PCYOX1L: variants seen among roughly 807,000 people sequenced by gnomAD.
The protein encoded by PCYOX1L is prenylcysteine oxidase 1 like.
PCYOX1L carries 40 observed loss-of-function variants against 44.1 expected under a neutral mutation model. The ratio of observed to expected loss-of-function variants is 0.91; its 90% CI spans 0.70 to 1.18. The LOEUF is 1.18. Among genes scored for constraint, PCYOX1L ranks in the 50% most tolerant of loss-of-function variants. The probability of loss-of-function intolerance (pLI) is 0.00; values close to 1 mark genes in which losing one functional copy is unlikely to be tolerated. For synonymous variants in PCYOX1L, 266 were observed against 282.8 expected (o/e 0.94, Z 0.60); for missense variants, 605 against 653.3 (o/e 0.93, Z 0.81).
chr5:149,360,941 T>C (rs1340597148), intron 1 of PCYOX1L, among the ~76,000 whole-genome samples: 1 of 152,212 alleles, frequency 6.6e-6, no homozygotes, highest in Non-Finnish European at 1.5e-5. Flanking sequence ...ATGGGTCCAG[T>C]AAGGACAAAT....
intron 4 of PCYOX1L, among the ~76,000 whole-genome samples, chr5:149,366,940 T>C (rs1210871199): frequency 1.3e-5 from 2 of 152,188 alleles, no homozygotes; most frequent in Non-Finnish European, 2.9e-5. Flanking sequence ...TCAGTGGTTT[T>C]TAGCACATTC....
At chr5:149,361,777 C>T (rs959372408) in intron 1 of PCYOX1L, among the ~76,000 whole-genome samples, 2 of 152,074 alleles carry the variant, frequency 1.3e-5, no homozygotes, top group African/African-American at 2.4e-5. Context: ...TGCAGGCATG[C>T]GCCACCACAC....
At chr5:149,360,049 C>T (rs1757964793) in intron 1 of PCYOX1L, among the ~76,000 whole-genome samples, 1 of 152,194 alleles carries the variant, frequency 6.6e-6, no homozygotes, top group Admixed American at 6.5e-5. Context: ...TGCATGAAAT[C>T]TTATTTCCCC....
chr5:149,361,258 G>A lies in PCYOX1L; in HGVS notation c.89-1379G>A, dbSNP rs145518008. ...ACCTCATCTCTACGAAAAATATGTC[G>A]GGCATGGTGGCATGTGCCTGTAGTC... On this transcript the variant is annotated intron_variant, in intron 1 of 5. Coordinates refer to ENST00000274569, the MANE Select transcript of PCYOX1L (RefSeq NM_024028.4). 9.1e-4 allele frequency among the ~76,000 whole-genome samples: 139 copies of A among 152,128 alleles called. 2 individuals are homozygous for A. The East Asian group carries it at 0.018, about 20-fold the overall frequency.
Position 149,365,961 on chromosome 5 carries a change from C to G in PCYOX1L, c.490C>G (p.His164Asp). 2 of 1,614,238 alleles carry G rather than the reference C, an allele frequency of 1.2e-6. No homozygotes were observed. The highest frequency in any genetic ancestry group is 1.1e-5 in the South Asian group (1 of 91,086). Residue 164 changes from histidine to aspartate, a missense_variant, in exon 4 of 6, where the codon CAC (histidine) becomes GAC (aspartate). Coordinates refer to ENST00000274569, the MANE Select transcript of PCYOX1L (RefSeq NM_024028.4). ...KFMRIYKYQAHGYAFSGVEEL... is the reference protein window; with the variant it reads ...KFMRIYKYQADGYAFSGVEEL... ...TTCTAGGATCTATAAGTACCAGGCC[C>G]ACGGCTATGCCTTCTCGGGTGTGGA...
Position 149,368,820 on chromosome 5 carries a change from C to T in PCYOX1L, c.*166C>T, listed in dbSNP as rs1471409668. On this transcript the variant is annotated 3_prime_UTR_variant, in exon 6 of 6. Coordinates refer to ENST00000274569, the MANE Select transcript of PCYOX1L (RefSeq NM_024028.4). Reference sequence around the variant, plus strand: ...TGTCTGCCTATATTAAGGGTCCACACGGCGGCTGCTGCTTTTTTTTAAGGG... The same window carrying T: ...TGTCTGCCTATATTAAGGGTCCACATGGCGGCTGCTGCTTTTTTTTAAGGG... 1.9e-5 allele frequency: 10 copies of T among 522,070 alleles called. No homozygotes were observed. Among genetic ancestry groups the T allele is most frequent in the South Asian group, 8.4e-5 (1 of 11,954 alleles). The allele number at this position is 522,070 out of a possible 1,614,324, so 32.3% of individuals were successfully genotyped here. A position where few individuals can be genotyped will look rare whatever the true frequency, so the allele number is the denominator to read the frequency against.
At chr5:149,364,387 G>A in intron 3 of PCYOX1L, 177 bp downstream of exon 3, 1 of 671,010 alleles carries the variant, frequency 1.5e-6, no homozygotes, top group Non-Finnish European at 2.5e-6. Flanking sequence ...ATTTGGTCCA[G>A]TAATGGTCTC....
At chr5:149,363,852 T>G (rs1758103670) in intron 2 of PCYOX1L, 184 bp from the exon 3 acceptor site, 1 of 616,426 alleles carries the variant, frequency 1.6e-6, no homozygotes, top group Non-Finnish European at 2.6e-6. Flanking sequence ...TTATTTTCAT[T>G]TTCATTTTTT....
intron 3 of PCYOX1L, 51 bp from the exon 4 acceptor site, chr5:149,365,891 T>G (rs1581371836): frequency 6.3e-7 from 1 of 1,587,244 alleles, no homozygotes; most frequent in Non-Finnish European, 8.6e-7. Context: ...GGGCAGGTGG[T>G]CAGGCAAAAA....
intron 5 of PCYOX1L, 99 bp from the exon 6 acceptor site, chr5:149,367,894 A>C: frequency 7.8e-7 from 1 of 1,281,208 alleles, no homozygotes; most frequent in Non-Finnish European, 1.1e-6. Flanking sequence ...CTGCACCCTG[A>C]GCACCAGGGT....
Position 149,367,467 on chromosome 5 carries a change from G to A in PCYOX1L, c.790G>A (p.Ala264Thr). 1 of 1,613,930 alleles carries A rather than the reference G, an allele frequency of 6.2e-7. No homozygotes were observed. The highest frequency in any genetic ancestry group is 8.5e-7 in the Non-Finnish European group (1 of 1,179,908). ...LKLTKANVIH[A>T]TVTSVTLHST... Reference sequence around the variant, plus strand: ...GCTCACCAAGGCCAATGTGATCCATGCCACAGTGACCTCTGTGACCCTGCA... The same window carrying A: ...GCTCACCAAGGCCAATGTGATCCATACCACAGTGACCTCTGTGACCCTGCA... Residue 264 changes from alanine (A) to threonine (T), a missense_variant, in exon 5 of 6, where the codon GCC becomes ACC. Ala to Thr is a moderately conservative substitution (Grantham distance 58, BLOSUM62 0). Transcript: ENST00000274569.
chr5:149,364,030 C>T lies in PCYOX1L; in HGVS notation c.296-6C>T, dbSNP rs1450081607. 1.9e-6 allele frequency: 3 copies of T among 1,613,548 alleles called. No individual in the cohort carries two copies. The highest frequency in any genetic ancestry group is 2.2e-5 in the East Asian group (1 of 44,884). ...GGACCTGAGGGGCTCCTCTTTGTCT[C>T]TGCAGGGCTGAGGCACCGGCGCGAG... On this transcript the variant is annotated splice_polypyrimidine_tract_variant and splice_region_variant and intron_variant, in intron 2 of 5. Coordinates refer to ENST00000274569, the MANE Select transcript of PCYOX1L (RefSeq NM_024028.4).
chr5:149,359,545 G>A (rs936632784), intron 1 of PCYOX1L, among the ~76,000 whole-genome samples: 1 of 152,240 alleles, frequency 6.6e-6, no homozygotes, highest in Non-Finnish European at 1.5e-5. Flanking sequence ...AGTGTGGCTA[G>A]GAGTAAGCAG....
chr5:149,362,416 A>G, intron 1 of PCYOX1L: 1 of 547,938 alleles, frequency 1.8e-6, no homozygotes, highest in Non-Finnish European at 3.3e-6. Flanking sequence ...CTTTTTCTTT[A>G]TGAAACGAAA....
At chr5:149,358,783 G>T (rs1473500999) in intron 1 of PCYOX1L, among the ~76,000 whole-genome samples, 1 of 152,180 alleles carries the variant, frequency 6.6e-6, no homozygotes, top group Non-Finnish European at 1.5e-5. Context: ...CAGTCTTTTT[G>T]TTTATTGTGT....
intron 4 of PCYOX1L, among the ~76,000 whole-genome samples, chr5:149,366,724 T>C (rs1013865248): frequency 7.9e-5 from 12 of 152,210 alleles, no homozygotes; most frequent in Admixed American, 5.9e-4. Context: ...AGGTTTACAA[T>C]AACAAGCACC....
chr5:149,367,931 A>G, intron 5 of PCYOX1L, 62 bp from the exon 6 acceptor site: 1 of 1,492,236 alleles, frequency 6.7e-7, no homozygotes, highest in Non-Finnish European at 9.0e-7. Flanking sequence ...GCTGGACCCC[A>G]GTAGGGAGTT....
intron 5 of PCYOX1L, 60 bp from the exon 6 acceptor site, chr5:149,367,933 T>G: frequency 6.0e-6 from 9 of 1,494,360 alleles, no homozygotes; most frequent in Non-Finnish European, 8.1e-6. Flanking sequence ...TGGACCCCAG[T>G]AGGGAGTTCA....
chr5:149,358,246 G>A (rs1274353211), intron 1 of PCYOX1L, 90 bp downstream of exon 1: 5 of 1,279,890 alleles, frequency 3.9e-6, no homozygotes, highest in African/African-American at 1.5e-5. Context: ...ATAGGAGGGC[G>A]GCTGGGTGAG....
Sources: allele counts gnomAD v4.1 joint callset (sites outside exome capture counted in the v4.1 genomes callset), GRCh38; gene constraint gnomAD v4.1.1; transcripts MANE v1.5; gene names NCBI Gene and HGNC (gene_info 2026-07-23, HGNC 2026-07-21).